Variants in ANXA10 observed in about 807,000 individuals in gnomAD.
The protein encoded by ANXA10 is annexin A10.
ANXA10 carries 49 observed loss-of-function variants against 53.5 expected under a neutral mutation model. The ratio of observed to expected loss-of-function variants is 0.92; its 90% CI spans 0.73 to 1.16. The LOEUF (loss-of-function observed/expected upper bound fraction) is 1.16, where lower values mean the gene tolerates loss of function less well. ANXA10 is among the 50% of genes most tolerant of loss of function. ANXA10 has a pLI of 0.00. For synonymous variants in ANXA10, 131 were observed against 128.9 expected (o/e 1.02, Z -0.11); for missense variants, 393 against 394.4 (o/e 1.00, Z 0.03).
At chr4:168,177,407 C>T (rs1474078579) in intron 6 of ANXA10, among the ~76,000 whole-genome samples, 2 of 152,286 alleles carry the variant, frequency 1.3e-5, no homozygotes, top group East Asian at 1.9e-4. Flanking sequence ...TCATTTCTAA[C>T]ACCCACTGCC....
chr4:168,162,431 C>T (rs759152398), intron 3 of ANXA10, 97 bp from the exon 4 acceptor site: 22 of 818,482 alleles, frequency 2.7e-5, no homozygotes, highest in Admixed American at 4.3e-5. Context: ...TATTAAATGA[C>T]ATGGAAAAGA....
chr4:168,095,872 C>G (rs1035408161), intron 1 of ANXA10, among the ~76,000 whole-genome samples: 3 of 151,930 alleles, frequency 2.0e-5, no homozygotes, highest in Non-Finnish European at 2.9e-5. Flanking sequence ...TTTGTGACCC[C>G]AATTAAATGA....
chr4:168,104,206 T>A (rs1347917322), intron 1 of ANXA10, among the ~76,000 whole-genome samples: 1 of 152,112 alleles, frequency 6.6e-6, no homozygotes, highest in East Asian at 1.9e-4. Context: ...AACAGATTGA[T>A]TTTTGAATGT....
intron 1 of ANXA10, among the ~76,000 whole-genome samples, chr4:168,108,825 T>C (rs763792105): frequency 1.7e-4 from 26 of 152,206 alleles, no homozygotes; most frequent in African/African-American, 4.8e-5. Context: ...TCAAGTTCTC[T>C]GGGTGGTCTC....
chr4:168,147,618 A>G (rs1045306164), intron 3 of ANXA10, among the ~76,000 whole-genome samples: 7 of 152,236 alleles, frequency 4.6e-5, no homozygotes, highest in Non-Finnish European at 1.0e-4. Context: ...AGTGGAAGTT[A>G]TACTAGTCTA....
intron 2 of ANXA10, among the ~76,000 whole-genome samples, chr4:168,133,067 C>G (rs1458996684): frequency 6.6e-6 from 1 of 152,046 alleles, no homozygotes; most frequent in Non-Finnish European, 1.5e-5. Flanking sequence ...AGCTTTCATG[C>G]TGTAAATAAG....
intron 2 of ANXA10, among the ~76,000 whole-genome samples, chr4:168,135,881 T>A (rs1397282803): frequency 1.3e-5 from 2 of 152,194 alleles, no homozygotes; most frequent in African/African-American, 2.4e-5. Flanking sequence ...AAGAACTACC[T>A]GAGACTACAT....
At chr4:168,141,612 A>G (rs1431980285) in intron 3 of ANXA10, among the ~76,000 whole-genome samples, 1 of 152,220 alleles carries the variant, frequency 6.6e-6, no homozygotes, top group Non-Finnish European at 1.5e-5. Flanking sequence ...TGGGAGTAAG[A>G]TAATGGCCAA....
chr4:168,108,304 T>C (rs1032239258), intron 1 of ANXA10, among the ~76,000 whole-genome samples: 3 of 152,158 alleles, frequency 2.0e-5, no homozygotes, highest in African/African-American at 7.2e-5. Flanking sequence ...TGCCTAACTG[T>C]CTGGGAATGC....
At chr4:168,160,801 C>T (rs766065334) in intron 3 of ANXA10, among the ~76,000 whole-genome samples, 15 of 152,174 alleles carry the variant, frequency 9.9e-5, no homozygotes, top group Non-Finnish European at 1.6e-4. Flanking sequence ...TTGTATTTCT[C>T]TAATAATCAG....
intron 1 of ANXA10, among the ~76,000 whole-genome samples, chr4:168,125,932 A>G (rs561938577): frequency 2.3e-4 from 35 of 152,308 alleles, no homozygotes; most frequent in African/African-American, 8.4e-4. Flanking sequence ...ACCTTGTGGT[A>G]AGAATTTAAA....
At chr4:168,123,027 T>A (rs7654533) in intron 1 of ANXA10, among the ~76,000 whole-genome samples, 1,998 of 152,286 alleles carry the variant, frequency 0.013, 25 homozygotes, top group Middle Eastern at 0.041. Flanking sequence ...CTACTATTAA[T>A]AAAATTACAC....
chr4:168,164,411 A>C (rs1731839420), intron 5 of ANXA10, 123 bp downstream of exon 5: 1 of 717,130 alleles, frequency 1.4e-6, no homozygotes, highest in Non-Finnish European at 2.3e-6. Context: ...CATAGGATTC[A>C]CTGAGGACCA....
At chr4:168,151,896 T>G (rs1731503650) in intron 3 of ANXA10, among the ~76,000 whole-genome samples, 1 of 152,200 alleles carries the variant, frequency 6.6e-6, no homozygotes, top group South Asian at 2.1e-4. Context: ...ATAAGGACCT[T>G]CACTTATTTA....
chr4:168,182,958 G>A (rs1447061819), intron 10 of ANXA10, among the ~76,000 whole-genome samples: 3 of 141,464 alleles, frequency 2.1e-5, no homozygotes, highest in African/African-American at 8.1e-5. Context: ...TGCGTGAGCC[G>A]AGATCGCGCC....
chr4:168,142,090 A>G (rs146686732), intron 3 of ANXA10, among the ~76,000 whole-genome samples: 9 of 152,116 alleles, frequency 5.9e-5, no homozygotes, highest in Non-Finnish European at 1.2e-4. Context: ...CAGTTGACTA[A>G]TTGTCCACCC....
At chr4:168,127,844 T>G in intron 1 of ANXA10, 4 of 284,084 alleles carry the variant, frequency 1.4e-5, no homozygotes, top group South Asian at 1.3e-4. Context: ...TTTTTTTTTT[T>G]GCCTCCTGAG....
intron 3 of ANXA10, among the ~76,000 whole-genome samples, chr4:168,140,872 G>A (rs1199222610): frequency 6.6e-6 from 1 of 152,124 alleles, no homozygotes; most frequent in Non-Finnish European, 1.5e-5. Context: ...TGCCCACCTC[G>A]GCCTCCCAAA....
intron 3 of ANXA10, among the ~76,000 whole-genome samples, chr4:168,156,049 T>TAATATTTATTA: frequency 6.1e-5 from 3 of 49,422 alleles, no homozygotes; most frequent in African/African-American, 3.0e-4. Context: ...ATATTATATA[T>TAATATTTATTA]TATATATTAT....
Sources: allele counts gnomAD v4.1 joint callset (sites outside exome capture counted in the v4.1 genomes callset), GRCh38; gene constraint gnomAD v4.1.1; transcripts MANE v1.5; gene names NCBI Gene and HGNC (gene_info 2026-07-23, HGNC 2026-07-21).